GRIN2A: variants seen among roughly 807,000 people sequenced by gnomAD.
The protein encoded by GRIN2A is glutamate ionotropic receptor NMDA type subunit 2A, also known as glutamate receptor ionotropic, NMDA 2A.
Under a neutral mutation model 113.4 loss-of-function variants are expected in GRIN2A, and 22 were observed. The ratio of observed to expected loss-of-function variants is 0.19; its 90% CI spans 0.14 to 0.28. The LOEUF is 0.28. Ranked by LOEUF, GRIN2A falls within the 10% of genes least tolerant of loss-of-function variation. The pLI is 1.00. For missense variants in GRIN2A, 1,502 were observed against 1,887.0 expected, an observed-to-expected ratio of 0.80 and a Z score of 3.78; for synonymous variants, 827 against 738.4, an observed-to-expected ratio of 1.12 and a Z score of -1.94.
intron 2 of GRIN2A, among the ~76,000 whole-genome samples, chr16:10,019,367 C>T (rs942754514): frequency 6.6e-6 from 1 of 152,134 alleles, no homozygotes; most frequent in East Asian, 1.9e-4. Flanking sequence ...GCATGGAAAG[C>T]ATCTATCACA....
intron 2 of GRIN2A, among the ~76,000 whole-genome samples, chr16:10,098,928 CCCCCT>C (rs1260460229): frequency 7.0e-6 from 1 of 143,070 alleles, no homozygotes; most frequent in Non-Finnish European, 1.5e-5. Flanking sequence ...ACCTACTGTC[CCCCCT>C]CCCCCCCCCA....
chr16:10,069,844 T>A (rs200871997), intron 2 of GRIN2A, among the ~76,000 whole-genome samples: 3 of 152,306 alleles, frequency 2.0e-5, no homozygotes, highest in South Asian at 4.1e-4. Context: ...CAGTGAAGGA[T>A]AGATCCCACG....
chr16:10,077,115 A>G (rs1187662401), intron 2 of GRIN2A, among the ~76,000 whole-genome samples: 2 of 152,168 alleles, frequency 1.3e-5, no homozygotes, highest in African/African-American at 4.8e-5. Context: ...ACCACAAGCC[A>G]AAGGGTACAG....
At chr16:10,055,879 T>C (rs2047449469) in intron 2 of GRIN2A, among the ~76,000 whole-genome samples, 1 of 152,208 alleles carries the variant, frequency 6.6e-6, no homozygotes, top group Admixed American at 6.5e-5. Context: ...GAAATAGTGG[T>C]GTCTATACAT....
chr16:9,776,678 AGGTTGTTGC>A (rs1400589620), intron 11 of GRIN2A, among the ~76,000 whole-genome samples: 1 of 152,044 alleles, frequency 6.6e-6, no homozygotes, highest in African/African-American at 2.4e-5. Context: ...AGACGTCAGA[AGGTTGTTGC>A]TGCTGATCTC....
chr16:10,174,212 T>C (rs560809060), intron 2 of GRIN2A, among the ~76,000 whole-genome samples: 61 of 152,238 alleles, frequency 4.0e-4, no homozygotes, highest in Non-Finnish European at 3.8e-4. Context: ...ATCTGCACCA[T>C]CCACCATTAG....
At chr16:10,181,101 G>C (rs2050261521) in intron 1 of GRIN2A, among the ~76,000 whole-genome samples, 1 of 152,204 alleles carries the variant, frequency 6.6e-6, no homozygotes, top group Admixed American at 6.5e-5. Flanking sequence ...GGTGGGCCCA[G>C]GCTCCGCTGT....
chr16:10,139,487 G>T (rs925403497), intron 2 of GRIN2A, among the ~76,000 whole-genome samples: 3 of 152,222 alleles, frequency 2.0e-5, no homozygotes, highest in Non-Finnish European at 4.4e-5. Context: ...GATTCCAGTT[G>T]TCTGTCTGTA....
rs891102093 is a variant in GRIN2A at position 9,760,559 on chromosome 16, C to A, written c.*2590G>T. 14 of 219,074 alleles carry A rather than the reference C, an allele frequency of 6.4e-5. No homozygotes were observed. Among genetic ancestry groups the A allele is most frequent in the Admixed American group, 1.7e-4 (3 of 17,256 alleles). The allele number at this position is 219,074 out of a possible 1,614,324, so 13.6% of individuals were successfully genotyped here. On this transcript the variant is annotated 3_prime_UTR_variant, in exon 13 of 13. Coordinates refer to ENST00000330684, the MANE Select transcript of GRIN2A (RefSeq NM_001134407.3). ...ACATTACTGTTGATTCTTCCAAAGG[C>A]CACGTTTTCAGTTTCTTTATCCAGA...
intron 2 of GRIN2A, among the ~76,000 whole-genome samples, chr16:9,949,797 A>G (rs1248032890): frequency 5.3e-5 from 8 of 152,110 alleles, no homozygotes; most frequent in Non-Finnish European, 8.8e-5. Flanking sequence ...GGATGGGTGG[A>G]TGTGACATGA....
intron 10 of GRIN2A, among the ~76,000 whole-genome samples, chr16:9,815,475 T>C (rs1376874241): frequency 2.1e-5 from 3 of 146,042 alleles, no homozygotes; most frequent in African/African-American, 7.5e-5. Flanking sequence ...AAGACTTGCA[T>C]ATCCACCTCT....
At chr16:10,119,464 C>T (rs1316593206) in intron 2 of GRIN2A, among the ~76,000 whole-genome samples, 3 of 151,718 alleles carry the variant, frequency 2.0e-5, no homozygotes, top group Admixed American at 6.6e-5. Flanking sequence ...TCTCTGTAGC[C>T]TCCACAGCCC....
intron 7 of GRIN2A, among the ~76,000 whole-genome samples, chr16:9,839,319 A>G (rs2042634315): frequency 6.6e-6 from 1 of 152,126 alleles, no homozygotes. Context: ...AGGCTACCCA[A>G]TACAGTCCAA....
intron 9 of GRIN2A, among the ~76,000 whole-genome samples, chr16:9,823,094 G>T (rs2042318223): frequency 6.6e-6 from 1 of 152,162 alleles, no homozygotes; most frequent in Admixed American, 6.5e-5. Context: ...GGGATACGCA[G>T]CACTCGGCAC....
chr16:9,851,472 A>G (rs2042881339), intron 4 of GRIN2A, among the ~76,000 whole-genome samples: 1 of 152,254 alleles, frequency 6.6e-6, no homozygotes. Flanking sequence ...TGATGGCTAA[A>G]ACAGAATGAC....
chr16:10,150,061 T>C (rs1480008415), intron 2 of GRIN2A, among the ~76,000 whole-genome samples: 2 of 152,228 alleles, frequency 1.3e-5, no homozygotes, highest in Admixed American at 6.5e-5. Flanking sequence ...CCATTACAGC[T>C]TGGCATTTGC....
intron 9 of GRIN2A, among the ~76,000 whole-genome samples, chr16:9,824,437 T>C (rs2042349330): frequency 6.6e-6 from 1 of 152,226 alleles, no homozygotes; most frequent in African/African-American, 2.4e-5. Flanking sequence ...TATCCGGAGA[T>C]GGCCTATTTG....
At chr16:9,985,071 T>C (rs572388373) in intron 2 of GRIN2A, among the ~76,000 whole-genome samples, 1 of 152,200 alleles carries the variant, frequency 6.6e-6, no homozygotes, top group African/African-American at 2.4e-5. Flanking sequence ...GTAACTTGAT[T>C]CTCCATGAGA....
At position 9,819,558 on chromosome 16, in the gene GRIN2A, C is replaced by T. The variant is rs1026596601; in HGVS notation, c.2168+2706G>A. 4.0e-5 allele frequency among the ~76,000 whole-genome samples: 6 copies of T among 151,884 alleles called. No individual in the cohort carries two copies. The East Asian group carries it at 9.7e-4, about 24-fold the overall frequency. ...AAAATTTAAATAATTAATCAAGGAG[C>T]CTGTTAAACATGTATGTGGTTTCCC... On this transcript the variant is annotated intron_variant, in intron 10 of 12. Transcript: ENST00000330684.
Sources: allele counts gnomAD v4.1 joint callset (sites outside exome capture counted in the v4.1 genomes callset), GRCh38; gene constraint gnomAD v4.1.1; transcripts MANE v1.5; gene names NCBI Gene and HGNC (gene_info 2026-07-23, HGNC 2026-07-21).